The following RAD54B variants were observed in gnomAD, a reference collection of about 807,000 sequenced individuals.
RAD54B encodes the protein DNA repair and recombination protein RAD54B.
In RAD54B, 78 loss-of-function variants were observed where a neutral mutation model predicts 95.8. That is an observed-to-expected ratio of 0.81 (90% CI 0.68 to 0.98). The LOEUF is 0.98. RAD54B is among the 50% of genes least tolerant of loss of function. RAD54B has a pLI of 0.00. For missense variants in RAD54B, 957 were observed against 1,056.6 expected (o/e 0.91, Z 1.31); for synonymous variants, 328 against 354.9 (o/e 0.92, Z 0.85).
chr8:94,468,825 T>C (rs1347244429), intron 1 of RAD54B, among the ~76,000 whole-genome samples: 2 of 150,464 alleles, frequency 1.3e-5, no homozygotes, highest in Non-Finnish European at 3.0e-5. Context: ...AGACTCTGTC[T>C]CAAAAAAAAA....
chr8:94,385,169 A>G (rs562517067), intron 11 of RAD54B, among the ~76,000 whole-genome samples: 3 of 152,262 alleles, frequency 2.0e-5, no homozygotes, highest in African/African-American at 7.2e-5. Flanking sequence ...CTTAATCATT[A>G]TATTTTTCTT....
chr8:94,442,575 AG>A (rs1563659367), intron 3 of RAD54B, among the ~76,000 whole-genome samples: 1 of 145,984 alleles, frequency 6.9e-6, no homozygotes, highest in South Asian at 2.2e-4. Context: ...ACTCTGTCTC[AG>A]AAAAAAAAAA....
intron 3 of RAD54B, among the ~76,000 whole-genome samples, chr8:94,454,275 G>T (rs1247162362): frequency 6.6e-6 from 1 of 152,154 alleles, no homozygotes; most frequent in African/African-American, 2.4e-5. Context: ...GGAAAGAGAG[G>T]AGAGAAAGAG....
chr8:94,436,968 G>C, intron 3 of RAD54B: 1 of 1,431,022 alleles, frequency 7.0e-7, no homozygotes, highest in Non-Finnish European at 9.1e-7. Context: ...GCTTAACTAG[G>C]CTAGCCTCAT....
intron 4 of RAD54B, among the ~76,000 whole-genome samples, chr8:94,409,646 G>T (rs749312197): frequency 6.6e-6 from 1 of 152,062 alleles, no homozygotes; most frequent in African/African-American, 2.4e-5. Context: ...GATTACAGGC[G>T]TGAGCCACTA....
At chr8:94,460,072 G>A (rs936780721) in intron 2 of RAD54B, among the ~76,000 whole-genome samples, 12 of 151,652 alleles carry the variant, frequency 7.9e-5, no homozygotes, top group African/African-American at 2.7e-4. Flanking sequence ...GCAGGAGAAC[G>A]GCGTGAACCC....
intron 4 of RAD54B, among the ~76,000 whole-genome samples, chr8:94,410,423 T>C (rs1811501551): frequency 2.6e-5 from 4 of 152,182 alleles, no homozygotes; most frequent in Admixed American, 2.6e-4. Flanking sequence ...TCTTTGGTAT[T>C]CCTAGCATAC....
intron 3 of RAD54B, among the ~76,000 whole-genome samples, chr8:94,424,245 T>G (rs544127522): frequency 6.6e-6 from 1 of 152,350 alleles, no homozygotes; most frequent in Admixed American, 6.5e-5. Flanking sequence ...TAAGTCTGCC[T>G]CTTACTAGCT....
At chr8:94,461,361 G>A (rs1253134529) in intron 2 of RAD54B, among the ~76,000 whole-genome samples, 2 of 150,144 alleles carry the variant, frequency 1.3e-5, no homozygotes, top group South Asian at 2.1e-4. Flanking sequence ...TAGTAGAGAC[G>A]GGGTTTCTCC....
intron 4 of RAD54B, among the ~76,000 whole-genome samples, chr8:94,410,082 A>G (rs1811492629): frequency 6.6e-6 from 1 of 152,166 alleles, no homozygotes; most frequent in Admixed American, 6.6e-5. Flanking sequence ...TTCATACACT[A>G]CATTCCTGAA....
At chr8:94,395,085 C>T (rs539675505) in intron 8 of RAD54B, among the ~76,000 whole-genome samples, 11 of 152,200 alleles carry the variant, frequency 7.2e-5, no homozygotes, top group African/African-American at 1.7e-4. Flanking sequence ...ATAGGAAAGA[C>T]GAGAAAGAAC....
chr8:94,455,724 A>T (rs913091568), intron 3 of RAD54B, among the ~76,000 whole-genome samples: 1 of 152,180 alleles, frequency 6.6e-6, no homozygotes, highest in Non-Finnish European at 1.5e-5. Context: ...GTTCTAAGGG[A>T]GAATCTTTCT....
chr8:94,419,515 AT>A (rs1320198081), intron 3 of RAD54B, among the ~76,000 whole-genome samples: 2 of 152,156 alleles, frequency 1.3e-5, no homozygotes, highest in East Asian at 3.8e-4. Flanking sequence ...TCTCAAAAAA[AT>A]AAATAAATAA....
At chr8:94,462,722 G>T (rs1490426221) in intron 2 of RAD54B, among the ~76,000 whole-genome samples, 2 of 152,012 alleles carry the variant, frequency 1.3e-5, no homozygotes, top group Non-Finnish European at 2.9e-5. Flanking sequence ...ATACTTTTAG[G>T]CTTCTCATGT....
intron 10 of RAD54B, among the ~76,000 whole-genome samples, chr8:94,391,148 T>G (rs986274294): frequency 2.0e-4 from 31 of 152,160 alleles, no homozygotes; most frequent in Non-Finnish European, 8.8e-5. Context: ...TGGGTTGAGC[T>G]TAAGATGATT....
chr8:94,466,039 CAG>C (rs1813016524), intron 2 of RAD54B, among the ~76,000 whole-genome samples: 1 of 152,060 alleles, frequency 6.6e-6, no homozygotes, highest in African/African-American at 2.4e-5. Context: ...TTAATGGGTA[CAG>C]AGTTTCTGTT....
intron 3 of RAD54B, among the ~76,000 whole-genome samples, chr8:94,418,357 G>A (rs1811723496): frequency 6.6e-6 from 1 of 152,094 alleles, no homozygotes; most frequent in African/African-American, 2.4e-5. Flanking sequence ...TCCACGAAAG[G>A]TTGTATCAAT....
rs2930957 is a variant in RAD54B at position 94,460,854 on chromosome 8, C to A, written c.136-2418G>T. ...ACTATGTTACATCTCTCTGACCCTG[C>A]TTCCCTAATCACCATCTCTTTCTCT... On this transcript the variant is annotated intron_variant, in intron 2 of 14. Coordinates refer to ENST00000336148, the MANE Select transcript of RAD54B (RefSeq NM_012415.3). 7.9e-5 allele frequency among the ~76,000 whole-genome samples: 12 copies of A among 152,230 alleles called. No homozygotes were observed. In the East Asian group the frequency reaches 2.3e-3, roughly 29 times the overall value.
chr8:94,398,814 G>A (rs1368627302), intron 8 of RAD54B, among the ~76,000 whole-genome samples: 5 of 152,034 alleles, frequency 3.3e-5, no homozygotes, highest in South Asian at 2.1e-4. Flanking sequence ...GAGGATTCTC[G>A]TATTTACCAT....
Sources: gnomAD v4.1 joint callset for allele counts (sites outside exome capture counted in the v4.1 genomes callset) on GRCh38, gnomAD v4.1.1 for gene constraint, MANE v1.5 for transcripts, NCBI Gene and HGNC (gene_info 2026-07-23, HGNC 2026-07-21) for gene names.